CD44: variants seen among roughly 807,000 people sequenced by gnomAD.
CD44 encodes CD44 molecule (IN blood group).
CD44 carries 49 observed loss-of-function variants against 88.8 expected under a neutral mutation model. That is an observed-to-expected ratio of 0.55 (90% CI 0.44 to 0.70). The LOEUF is 0.70. Ranked by LOEUF, CD44 falls within the 30% of genes least tolerant of loss-of-function variation. The pLI is 0.00. For missense variants in CD44, 883 were observed against 913.8 expected (o/e 0.97, Z 0.43); for synonymous variants, 325 against 312.3 (o/e 1.04, Z -0.43).
intron 1 of CD44, among the ~76,000 whole-genome samples, chr11:35,161,428 A>G (rs1942593365): frequency 6.6e-6 from 1 of 152,170 alleles, no homozygotes; most frequent in African/African-American, 2.4e-5. Flanking sequence ...TCACAATACA[A>G]TGAGGGTAAA....
In CD44 at chr11:35,221,810, G is replaced by A. The variant is rs1163650757; in HGVS notation, c.2024+78G>A. 5 of 1,308,704 alleles carry A rather than the reference G, an allele frequency of 3.8e-6. No individual in the cohort carries two copies. The African/African-American group carries it at 4.4e-5, about 11-fold the overall frequency. The allele number at this position is 1,308,704 out of a possible 1,614,324, so 81.1% of individuals were successfully genotyped here. A position where few individuals can be genotyped will look rare whatever the true frequency, so the allele number is the denominator to read the frequency against. ...GGGCTTTATATCCTTGCTGCTCAGA[G>A]CGTAGTCCCTGGAACCAGCAGCCTG... is the stretch of plus-strand genomic sequence containing the variant. On this transcript the variant is annotated intron_variant, in intron 17 of 17. Coordinates refer to ENST00000428726, the MANE Select transcript of CD44 (RefSeq NM_000610.4).
intron 1 of CD44, among the ~76,000 whole-genome samples, chr11:35,166,612 C>A (rs538352038): frequency 6.6e-6 from 1 of 152,164 alleles, no homozygotes; most frequent in Non-Finnish European, 1.5e-5. Flanking sequence ...GTTGGTTCAG[C>A]GTTGACTGCC....
chr11:35,185,572 T>TCCTC (rs3047478), intron 3 of CD44, among the ~76,000 whole-genome samples: 10,053 of 150,456 alleles, frequency 0.067, 403 homozygotes, highest in South Asian at 0.19. Flanking sequence ...CTGCCTGTCT[T>TCCTC]CCTCCCTCCC....
intron 1 of CD44, among the ~76,000 whole-genome samples, chr11:35,156,516 G>A (rs1312021860): frequency 6.6e-6 from 1 of 152,204 alleles, no homozygotes; most frequent in East Asian, 1.9e-4. Flanking sequence ...AATGGTGTAT[G>A]TTTCTTTTGA....
At position 35,139,361 on chromosome 11, in the gene CD44, G is replaced by A. The variant is rs1383216966; in HGVS notation, c.58G>A (p.Ala20Thr). 2.6e-6 allele frequency: 4 copies of A among 1,559,080 alleles called. No homozygotes were observed. ...WGLCLVPLSL[A>T]QIDLNITCRF... ...ACTCTGCCTCGTGCCGCTGAGCCTGGCGCAGATCGGTGAGTGCCCGCCGCA... is the reference window on the plus strand; with the variant it reads ...ACTCTGCCTCGTGCCGCTGAGCCTGACGCAGATCGGTGAGTGCCCGCCGCA... Residue 20 changes from alanine (A) to threonine (T), a missense_variant, in exon 1 of 18, where the codon GCG becomes ACG. Coordinates refer to ENST00000428726, the MANE Select transcript of CD44 (RefSeq NM_000610.4).
chr11:35,140,587 T>C (rs866430555), intron 1 of CD44, among the ~76,000 whole-genome samples: 1 of 152,184 alleles, frequency 6.6e-6, no homozygotes, highest in Admixed American at 6.5e-5. Context: ...AGGAAGAAAG[T>C]GACCCTAGGT....
At chr11:35,179,294 T>C (rs1272258447) in intron 2 of CD44, among the ~76,000 whole-genome samples, 1 of 152,226 alleles carries the variant, frequency 6.6e-6, no homozygotes, top group Non-Finnish European at 1.5e-5. Context: ...TTTAGCTTCC[T>C]CCTCTCTGCC....
In CD44 at chr11:35,147,268, G is replaced by A. The variant is rs368103099; in HGVS notation, c.67+7898G>A. 1.4e-4 allele frequency among the ~76,000 whole-genome samples: 21 copies of A among 152,278 alleles called. No individual in the cohort carries two copies. The East Asian group carries it at 1.7e-3, about 13-fold the overall frequency. The stretch of plus-strand genomic sequence containing the variant: ...TTGGTTCCAGGGTCTTCTCTCCACC[G>A]GCTAGAATGGATGAGGGAGGGAGAG... On this transcript the variant is annotated intron_variant, in intron 1 of 17. Coordinates refer to ENST00000428726, the MANE Select transcript of CD44 (RefSeq NM_000610.4).
At chr11:35,214,280 T>G (rs1366511594) in intron 14 of CD44, among the ~76,000 whole-genome samples, 2 of 152,228 alleles carry the variant, frequency 1.3e-5, no homozygotes, top group African/African-American at 4.8e-5. Flanking sequence ...CATTTCCTTT[T>G]TTACTTATTT....
chr11:35,165,515 G>A (rs755009597), intron 1 of CD44, among the ~76,000 whole-genome samples: 1 of 152,216 alleles, frequency 6.6e-6, no homozygotes, highest in African/African-American at 2.4e-5. Context: ...AAACTGCTAC[G>A]TGGCAAGAAT....
At chr11:35,169,114 C>A (rs551695661) in intron 1 of CD44, among the ~76,000 whole-genome samples, 2 of 152,122 alleles carry the variant, frequency 1.3e-5, no homozygotes, top group Non-Finnish European at 2.9e-5. Flanking sequence ...GATCTTTTTG[C>A]ACCCTATAAG....
At chr11:35,176,863 G>A (rs1265921703) in intron 2 of CD44, 123 bp downstream of exon 2, 2 of 914,048 alleles carry the variant, frequency 2.2e-6, no homozygotes, top group African/African-American at 1.7e-5. Context: ...TCAACCCCAC[G>A]TATTAATTTG....
At chr11:35,228,559 T>C (rs530111760) in intron 17 of CD44, among the ~76,000 whole-genome samples, 2 of 152,350 alleles carry the variant, frequency 1.3e-5, no homozygotes, top group South Asian at 4.1e-4. Flanking sequence ...ATTTCCATTG[T>C]GAAGTAAGAT....
In CD44 at chr11:35,229,361, C is replaced by G. The variant is rs1028053045; in HGVS notation, c.*28C>G. The stretch of plus-strand genomic sequence containing the variant: ...CCTACACCATTATCTTGGAAAGAAA[C>G]AACCGTTGGAAACATAACCATTACA... On this transcript the variant is annotated 3_prime_UTR_variant, in exon 18 of 18. Transcript: ENST00000428726. The G allele has an allele frequency of 3.4e-6, 5 of 1,466,906 alleles. No homozygotes were observed. In the African/African-American group the frequency reaches 7.0e-5, roughly 20 times the overall value. 90.9% of individuals were successfully genotyped at this position (1,466,906 alleles called of 1,614,324 possible). A position where few individuals can be genotyped will look rare whatever the true frequency, so the allele number is the denominator to read the frequency against.
intron 1 of CD44, among the ~76,000 whole-genome samples, chr11:35,165,580 T>C (rs1943165243): frequency 6.6e-6 from 1 of 152,210 alleles, no homozygotes. Context: ...GGAGCCCCAA[T>C]GTGTCTTAAT....
chr11:35,164,233 A>C (rs911990102), intron 1 of CD44, among the ~76,000 whole-genome samples: 1 of 151,958 alleles, frequency 6.6e-6, no homozygotes, highest in East Asian at 1.9e-4. Flanking sequence ...GTCTTAGCTA[A>C]CTCATGTCAG....
chr11:35,201,201 G>A lies in CD44; in HGVS notation c.1036+6G>A. 3 of 1,583,048 alleles carry A rather than the reference G, an allele frequency of 1.9e-6. No homozygotes were observed. The highest frequency in any genetic ancestry group is 2.6e-6 in the Non-Finnish European group (3 of 1,151,646). ...GACAACCACAAGGATGACTGGTAATGGGTTCTGCATATTTAATGAAAGATT... is the reference window on the plus strand; with the variant it reads ...GACAACCACAAGGATGACTGGTAATAGGTTCTGCATATTTAATGAAAGATT... On this transcript the variant is annotated splice_donor_region_variant and intron_variant, in intron 8 of 17. Coordinates refer to ENST00000428726, the MANE Select transcript of CD44 (RefSeq NM_000610.4).
chr11:35,170,856 C>T (rs1565055266), intron 1 of CD44, among the ~76,000 whole-genome samples: 1 of 152,198 alleles, frequency 6.6e-6, no homozygotes, highest in Non-Finnish European at 1.5e-5. Flanking sequence ...GACACTGGCA[C>T]TCTGTCAAGC....
At chr11:35,181,889 TATATA>T (rs1201243105) in intron 3 of CD44, among the ~76,000 whole-genome samples, 34 of 80,398 alleles carry the variant, frequency 4.2e-4, no homozygotes, top group Non-Finnish European at 6.4e-4. Context: ...TATAATTCTA[TATATA>T]ATATAATATA....
Sources: gnomAD v4.1 joint callset for allele counts (sites outside exome capture counted in the v4.1 genomes callset) on GRCh38, gnomAD v4.1.1 for gene constraint, MANE v1.5 for transcripts, NCBI Gene and HGNC (gene_info 2026-07-23, HGNC 2026-07-21) for gene names.